AGMO: variants seen among roughly 807,000 people sequenced by gnomAD.
AGMO encodes glyceryl-ether monooxygenase.
A neutral mutation model predicts 60.2 loss-of-function variants in AGMO; 75 were observed. That is an observed-to-expected ratio of 1.25 (90% confidence interval 1.03 to 1.51). The LOEUF is 1.51. Ranked by LOEUF, AGMO falls within the 40% of genes most tolerant of loss-of-function variation. AGMO has a pLI of 0.00. For missense variants in AGMO, 763 were observed against 525.5 expected, an observed-to-expected ratio of 1.45 and a Z score of -4.42; for synonymous variants, 261 against 177.1, an observed-to-expected ratio of 1.47 and a Z score of -3.76.
At position 15,342,462 on chromosome 7, in the gene AGMO, CCCCACCCAT is replaced by C. The variant is rs59382970; in HGVS notation, c.1263+23043_1263+23051del. ...GTGCTAATGACTTCATTGGTAAACT[CCCCACCCAT>C]CCCAACCATCCCTTTTCCCTCCCAT... On this transcript the variant is annotated intron_variant, in intron 12 of 12. Transcript: ENST00000342526. Among the ~76,000 whole-genome samples the C allele has an allele frequency of 1.3e-3, 203 of 152,056 alleles. No homozygotes were observed. In the Middle Eastern group the frequency reaches 0.014, roughly 10 times the overall value.
the AGMO span, among the ~76,000 whole-genome samples, chr7:15,187,659 G>A: frequency 6.6e-6 from 1 of 152,086 alleles, no homozygotes; most frequent in Non-Finnish European, 1.5e-5. Context: ...GTATGTGTGA[G>A]TGTGTGTGGG....
At chr7:15,446,362 T>A (rs1332202408) in intron 3 of AGMO, among the ~76,000 whole-genome samples, 1 of 152,168 alleles carries the variant, frequency 6.6e-6, no homozygotes, top group Non-Finnish European at 1.5e-5. Context: ...ATAGATGCAA[T>A]TATATAAGTC....
At chr7:15,438,699 C>G (rs116165979) in intron 3 of AGMO, among the ~76,000 whole-genome samples, 18 of 152,050 alleles carry the variant, frequency 1.2e-4, no homozygotes, top group Non-Finnish European at 4.4e-5. Flanking sequence ...CCCTAGGGTA[C>G]GCAAAGACAC....
At chr7:15,213,263 C>A (rs1298620316) in intron 12 of AGMO, among the ~76,000 whole-genome samples, 1 of 151,432 alleles carries the variant, frequency 6.6e-6, no homozygotes, top group Admixed American at 6.6e-5. Flanking sequence ...CTAGAAAAAA[C>A]ATTGGCTGAG....
intron 12 of AGMO, among the ~76,000 whole-genome samples, chr7:15,270,919 T>C (rs1039789923): frequency 2.0e-5 from 3 of 151,934 alleles, no homozygotes; most frequent in Non-Finnish European, 4.4e-5. Flanking sequence ...GTGAATAGGG[T>C]GTCATTTTCC....
At chr7:15,264,297 T>C (rs112295264) in intron 12 of AGMO, among the ~76,000 whole-genome samples, 12 of 151,944 alleles carry the variant, frequency 7.9e-5, no homozygotes, top group African/African-American at 2.9e-4. Flanking sequence ...AAAAATGGCA[T>C]GAGACTTTCC....
chr7:15,372,938 G>T (rs943102130), intron 10 of AGMO, among the ~76,000 whole-genome samples: 6 of 152,032 alleles, frequency 3.9e-5, no homozygotes, highest in African/African-American at 1.4e-4. Context: ...GCTTTATGAG[G>T]CAATAAATTA....
intron 10 of AGMO, among the ~76,000 whole-genome samples, chr7:15,381,792 C>T (rs1159238048): frequency 6.6e-6 from 1 of 152,086 alleles, no homozygotes; most frequent in African/African-American, 2.4e-5. Context: ...CAATGATAGA[C>T]TGGATAAAGA....
At chr7:15,407,664 A>T (rs1033963542) in intron 5 of AGMO, among the ~76,000 whole-genome samples, 8 of 151,868 alleles carry the variant, frequency 5.3e-5, no homozygotes, top group Non-Finnish European at 1.2e-4. Flanking sequence ...AATTATCAAC[A>T]ATCAATAGAA....
chr7:15,404,996 T>G (rs2128490646), intron 5 of AGMO, among the ~76,000 whole-genome samples: 1 of 151,960 alleles, frequency 6.6e-6, no homozygotes, highest in South Asian at 2.1e-4. Context: ...TATAATACAT[T>G]CTCAAACACT....
At chr7:15,354,997 G>A (rs1424479504) in intron 12 of AGMO, among the ~76,000 whole-genome samples, 1 of 152,018 alleles carries the variant, frequency 6.6e-6, no homozygotes, top group Non-Finnish European at 1.5e-5. Flanking sequence ...CTAATGAACA[G>A]GTAAAATGAT....
intron 12 of AGMO, among the ~76,000 whole-genome samples, chr7:15,274,868 A>AT (rs201721500): frequency 3.6e-4 from 54 of 149,022 alleles, no homozygotes; most frequent in South Asian, 1.1e-3. Flanking sequence ...GTCTCTAATC[A>AT]TTTTTTTTTC....
In AGMO at chr7:15,366,068, G is replaced by C. The variant is rs933966446; in HGVS notation, c.1157+72C>G. ...ACTACACTAGTTACATAATATACTG[G>C]TATTTTACCACTCTGTGGAAAATTC... is the stretch of plus-strand genomic sequence containing the variant. On this transcript the variant is annotated intron_variant, in intron 11 of 12. Transcript: ENST00000342526. The C allele has an allele frequency of 2.7e-6, 3 of 1,113,550 alleles. No homozygotes were observed. The African/African-American group carries it at 4.7e-5, about 18-fold the overall frequency. 69.0% of individuals were successfully genotyped at this position (1,113,550 alleles called of 1,614,324 possible).
intron 12 of AGMO, among the ~76,000 whole-genome samples, chr7:15,264,019 A>G (rs556708772): frequency 6.6e-6 from 1 of 152,182 alleles, no homozygotes; most frequent in East Asian, 1.9e-4. Context: ...TAAAGAATTT[A>G]TTCATGTAAC....
chr7:15,304,254 A>T (rs556552705), intron 12 of AGMO, among the ~76,000 whole-genome samples: 1 of 152,134 alleles, frequency 6.6e-6, no homozygotes, highest in African/African-American at 2.4e-5. Flanking sequence ...TCATCTTTTA[A>T]AGTCTCTTTC....
the AGMO span, among the ~76,000 whole-genome samples, chr7:15,192,605 G>T: frequency 6.6e-6 from 1 of 152,120 alleles, no homozygotes; most frequent in South Asian, 2.1e-4. Context: ...GGTACCAAGA[G>T]CGCAGGGTGT....
chr7:15,330,714 T>C (rs1195518238), intron 12 of AGMO, among the ~76,000 whole-genome samples: 1 of 152,142 alleles, frequency 6.6e-6, no homozygotes, highest in African/African-American at 2.4e-5. Flanking sequence ...GTTGCTAATA[T>C]CAGGAATTTT....
intron 3 of AGMO, among the ~76,000 whole-genome samples, chr7:15,523,438 C>T (rs1784051785): frequency 6.6e-6 from 1 of 152,150 alleles, no homozygotes; most frequent in Non-Finnish European, 1.5e-5. Flanking sequence ...CACTCAAATG[C>T]CCATCCATGA....
chr7:15,531,428 CTATATATATATTCTA>C (rs1784346026), intron 3 of AGMO, among the ~76,000 whole-genome samples: 4 of 42,658 alleles, frequency 9.4e-5, no homozygotes, highest in African/African-American at 5.9e-4. Flanking sequence ...TATATATATT[CTATATATATATTCTA>C]TATATATTCT....
Sources: allele counts gnomAD v4.1 joint callset (sites outside exome capture counted in the v4.1 genomes callset), GRCh38; gene constraint gnomAD v4.1.1; transcripts MANE v1.5; gene names NCBI Gene and HGNC (gene_info 2026-07-23, HGNC 2026-07-21).